The following KIAA0513 variants were observed in gnomAD, a reference collection of about 807,000 sequenced individuals.
KIAA0513 encodes the protein KIAA0513.
Under a neutral mutation model 56.5 loss-of-function variants are expected in KIAA0513, and 39 were observed. The observed-to-expected ratio is 0.69, with a 90% confidence interval of 0.53 to 0.90. The LOEUF is 0.90. KIAA0513 is among the 40% of genes least tolerant of loss of function. The pLI is 0.00. For missense variants in KIAA0513, 591 were observed against 535.2 expected (o/e 1.10, Z -1.03); for synonymous variants, 268 against 215.6 (o/e 1.24, Z -2.13).
chr16:85,059,631 C>T (rs1348087553), intron 1 of KIAA0513, among the ~76,000 whole-genome samples: 1 of 152,178 alleles, frequency 6.6e-6, no homozygotes, highest in East Asian at 1.9e-4. Flanking sequence ...AATAATACTG[C>T]CTCAGTGGTG....
intron 1 of KIAA0513, among the ~76,000 whole-genome samples, chr16:85,028,615 C>G (rs1186484239): frequency 6.6e-6 from 1 of 151,874 alleles, no homozygotes; most frequent in Non-Finnish European, 1.5e-5. Context: ...TGGGTGCGTG[C>G]CCCCCACCCC....
At chr16:85,069,872 T>C (rs1209150307) in intron 2 of KIAA0513, among the ~76,000 whole-genome samples, 1 of 151,950 alleles carries the variant, frequency 6.6e-6, no homozygotes, top group Non-Finnish European at 1.5e-5. Flanking sequence ...ATTAACACAA[T>C]TAGAATTTGT....
chr16:85,032,271 G>C (rs1597584097), intron 1 of KIAA0513, among the ~76,000 whole-genome samples: 2 of 152,198 alleles, frequency 1.3e-5, no homozygotes, highest in African/African-American at 4.8e-5. Context: ...CCTCCTGTGG[G>C]TCTGCCTCTC....
chr16:85,028,179 G>C (rs1259311601), intron 1 of KIAA0513, among the ~76,000 whole-genome samples: 6 of 152,332 alleles, frequency 3.9e-5, no homozygotes, highest in Non-Finnish European at 7.3e-5. Context: ...CTGCCTGGAG[G>C]AGGCGCCCCC....
intron 1 of KIAA0513, among the ~76,000 whole-genome samples, chr16:85,064,067 C>G (rs2073444609): frequency 6.8e-6 from 1 of 147,048 alleles, no homozygotes; most frequent in Non-Finnish European, 1.5e-5. Context: ...GTGCAGTGGC[C>G]TGACCTCAGC....
intron 1 of KIAA0513, among the ~76,000 whole-genome samples, chr16:85,040,053 C>T (rs1178259597): frequency 6.6e-6 from 1 of 151,288 alleles, no homozygotes; most frequent in Non-Finnish European, 1.5e-5. Context: ...AGGCTAGTCT[C>T]GAACTCCTGA....
intron 10 of KIAA0513, among the ~76,000 whole-genome samples, chr16:85,082,851 G>A (rs2073762801): frequency 6.6e-6 from 1 of 152,256 alleles, no homozygotes; most frequent in South Asian, 2.1e-4. Flanking sequence ...AAGCAAATGT[G>A]ACACCTTGAG....
chr16:85,034,348 C>G (rs545384895), intron 1 of KIAA0513, among the ~76,000 whole-genome samples: 66 of 152,210 alleles, frequency 4.3e-4, no homozygotes, highest in African/African-American at 1.6e-3. Context: ...CCATTGAACT[C>G]CAGTCTGGGC....
At chr16:85,049,792 G>T (rs11149707) in intron 1 of KIAA0513, among the ~76,000 whole-genome samples, 61,067 of 152,018 alleles carry the variant, frequency 0.4, 13,690 homozygotes, top group African/African-American at 0.61. Flanking sequence ...CGGGTATTTC[G>T]TTATAGCAGT....
At chr16:85,059,606 A>G (rs1478453969) in intron 1 of KIAA0513, among the ~76,000 whole-genome samples, 2 of 152,152 alleles carry the variant, frequency 1.3e-5, no homozygotes, top group Admixed American at 6.5e-5. Context: ...TCATCTCTCA[A>G]CTGGGAGTGA....
intron 1 of KIAA0513, among the ~76,000 whole-genome samples, chr16:85,042,153 T>C (rs1206937621): frequency 6.6e-6 from 1 of 152,242 alleles, no homozygotes; most frequent in Non-Finnish European, 1.5e-5. Flanking sequence ...AACTCTTTTC[T>C]TTTGGCAGCG....
At chr16:85,030,132 C>T (rs1258486715) in intron 1 of KIAA0513, among the ~76,000 whole-genome samples, 1 of 152,204 alleles carries the variant, frequency 6.6e-6, no homozygotes, top group African/African-American at 2.4e-5. Flanking sequence ...AGCACCCCTG[C>T]GCCCGCCCCA....
chr16:85,072,815 C>T (rs1020112945), intron 3 of KIAA0513, 110 bp from the exon 4 acceptor site: 1 of 1,070,694 alleles, frequency 9.3e-7, no homozygotes, highest in Non-Finnish European at 1.4e-6. Context: ...CATCCTGGGC[C>T]CCCATCCCAG....
chr16:85,051,374 G>A (rs1200155750), intron 1 of KIAA0513, among the ~76,000 whole-genome samples: 1 of 152,188 alleles, frequency 6.6e-6, no homozygotes, highest in Non-Finnish European at 1.5e-5. Flanking sequence ...GACAGTTTTA[G>A]TGGAGAAGAA....
At chr16:85,037,196 C>T (rs1194203818) in intron 1 of KIAA0513, among the ~76,000 whole-genome samples, 2 of 152,126 alleles carry the variant, frequency 1.3e-5, no homozygotes, top group East Asian at 3.9e-4. Context: ...AGACATTTTC[C>T]TGGCCTTTAC....
At chr16:85,060,364 G>C (rs963505381) in intron 1 of KIAA0513, among the ~76,000 whole-genome samples, 1 of 152,138 alleles carries the variant, frequency 6.6e-6, no homozygotes, top group African/African-American at 2.4e-5. Flanking sequence ...TTTAGTCAGC[G>C]GTGGAGAGGA....
chr16:85,037,789 A>G (rs1210255743), intron 1 of KIAA0513, among the ~76,000 whole-genome samples: 3 of 152,206 alleles, frequency 2.0e-5, no homozygotes, highest in Non-Finnish European at 2.9e-5. Flanking sequence ...AGTAGAATTA[A>G]CAAAGTCATC....
intron 4 of KIAA0513, 71 bp downstream of exon 4, chr16:85,073,069 C>T: frequency 1.6e-6 from 2 of 1,271,750 alleles, no homozygotes; most frequent in Non-Finnish European, 2.3e-6. Flanking sequence ...CCTCCCCACC[C>T]AGCCGTGTCA....
At chr16:85,049,930 C>A (rs1374709249) in intron 1 of KIAA0513, among the ~76,000 whole-genome samples, 1 of 152,112 alleles carries the variant, frequency 6.6e-6, no homozygotes, top group East Asian at 1.9e-4. Context: ...TTTATTTTGC[C>A]AAATTACTTA....
Sources: allele counts gnomAD v4.1 joint callset (sites outside exome capture counted in the v4.1 genomes callset), GRCh38; gene constraint gnomAD v4.1.1; transcripts MANE v1.5; gene names NCBI Gene and HGNC (gene_info 2026-07-23, HGNC 2026-07-21).